The following KCTD1 variants were observed in gnomAD, a reference collection of about 807,000 sequenced individuals.
KCTD1 encodes potassium channel tetramerization domain containing 1, also known as BTB/POZ domain-containing protein KCTD1.
Under a neutral mutation model 66.0 loss-of-function variants are expected in KCTD1, and 24 were observed. The ratio of observed to expected loss-of-function variants is 0.36; its 90% CI spans 0.26 to 0.51. KCTD1 has a LOEUF of 0.51. Ranked by LOEUF, KCTD1 falls within the 20% of genes least tolerant of loss-of-function variation. KCTD1 has a pLI of 0.95. For synonymous variants in KCTD1, 511 were observed against 517.2 expected (o/e 0.99, Z 0.16); for missense variants, 943 against 1,205.2 (o/e 0.78, Z 3.22).
intron 1 of KCTD1, among the ~76,000 whole-genome samples, chr18:26,524,585 T>C (rs923102280): frequency 2.0e-5 from 3 of 152,158 alleles, no homozygotes; most frequent in African/African-American, 7.2e-5. Flanking sequence ...GTTCAATTTT[T>C]CCCTAACCTT....
chr18:26,504,172 C>T (rs190556279), intron 1 of KCTD1, among the ~76,000 whole-genome samples: 53 of 152,104 alleles, frequency 3.5e-4, no homozygotes, highest in African/African-American at 1.2e-3. Flanking sequence ...TGGGATCAAG[C>T]GATCCCCCCA....
At chr18:26,460,638 C>T (rs1009956784) in intron 3 of KCTD1, among the ~76,000 whole-genome samples, 3 of 152,194 alleles carry the variant, frequency 2.0e-5, no homozygotes, top group Non-Finnish European at 2.9e-5. Flanking sequence ...ACATAAACAA[C>T]TTTAGGCCTC....
intron 1 of KCTD1, among the ~76,000 whole-genome samples, chr18:26,507,080 C>T (rs1465352585): frequency 6.6e-6 from 1 of 152,106 alleles, no homozygotes; most frequent in Non-Finnish European, 1.5e-5. Context: ...GCAGGAGAAT[C>T]GCTTGAACCT....
At chr18:26,502,251 G>C (rs1051702853) in intron 1 of KCTD1, among the ~76,000 whole-genome samples, 1 of 152,086 alleles carries the variant, frequency 6.6e-6, no homozygotes, top group Non-Finnish European at 1.5e-5. Flanking sequence ...GGGTTTCACC[G>C]TGTTAGCCAG....
intron 1 of KCTD1, chr18:26,655,766 G>A (rs1017973382): frequency 6.6e-6 from 1 of 152,254 alleles, no homozygotes; most frequent in Non-Finnish European, 1.5e-5. Flanking sequence ...AAAGCACAAA[G>A]GCAGACTGTC....
intron 1 of KCTD1, among the ~76,000 whole-genome samples, chr18:26,589,007 T>C (rs1229992027): frequency 1.3e-5 from 2 of 151,908 alleles, no homozygotes; most frequent in Non-Finnish European, 2.9e-5. Context: ...CTGATCTAAC[T>C]GCAAACAATC....
In KCTD1 at chr18:26,460,931, T is replaced by C. The variant is rs551020153; in HGVS notation, c.2134-1006A>G. On this transcript the variant is annotated intron_variant, in intron 3 of 4. Transcript: ENST00000580059. The stretch of plus-strand genomic sequence containing the variant: ...GCCACAATCATTTCTGGGTGTAAGA[T>C]AAGTGGATACTTGTCTAGACATGTT... 5 of 152,362 alleles carry C rather than the reference T, an allele frequency of 3.3e-5. No individual in the cohort carries two copies. The South Asian group carries it at 1.0e-3, about 32-fold the overall frequency. 9.4% of individuals were successfully genotyped at this position (152,362 alleles called of 1,614,324 possible).
At chr18:26,500,348 A>T (rs985029353) in intron 2 of KCTD1, among the ~76,000 whole-genome samples, 7 of 151,952 alleles carry the variant, frequency 4.6e-5, no homozygotes, top group African/African-American at 1.4e-4. Context: ...TAAGCCCAGA[A>T]GGTCAAGGCT....
At chr18:26,627,171 T>C (rs181956685) in intron 1 of KCTD1, among the ~76,000 whole-genome samples, 19 of 152,234 alleles carry the variant, frequency 1.2e-4, no homozygotes, top group African/African-American at 4.1e-4. Context: ...GTAGCTCCCA[T>C]GTACTGTCTT....
At chr18:26,490,851 CAAG>C (rs1217254721) in intron 2 of KCTD1, among the ~76,000 whole-genome samples, 2 of 151,694 alleles carry the variant, frequency 1.3e-5, no homozygotes, top group Admixed American at 6.6e-5. Context: ...CTCCCGGGCT[CAAG>C]CGATTCTCAT....
Position 26,471,124 on chromosome 18 carries a change from C to T in KCTD1, c.2133+5391G>A, listed in dbSNP as rs567089985. On this transcript the variant is annotated intron_variant, in intron 3 of 4. Transcript: ENST00000580059. The stretch of plus-strand genomic sequence containing the variant: ...GGTCTCCAGGAAAATGCCTTGAAGA[C>T]ACAACAAAGCCGAGTATACAGCCCC... Among the ~76,000 whole-genome samples, 12 of 152,218 alleles carry T rather than the reference C, an allele frequency of 7.9e-5. No individual in the cohort carries two copies. The South Asian group carries it at 8.3e-4, about 11-fold the overall frequency.
chr18:26,505,157 T>A (rs988891409), intron 1 of KCTD1, among the ~76,000 whole-genome samples: 1 of 152,260 alleles, frequency 6.6e-6, no homozygotes, highest in Non-Finnish European at 1.5e-5. Flanking sequence ...CCCTGCGAGG[T>A]CATTTGGCTT....
chr18:26,624,010 G>A (rs894568855), intron 1 of KCTD1, among the ~76,000 whole-genome samples: 3 of 152,234 alleles, frequency 2.0e-5, no homozygotes, highest in African/African-American at 7.2e-5. Flanking sequence ...GTTGGGAACT[G>A]AAACAAAGAT....
intron 1 of KCTD1, among the ~76,000 whole-genome samples, chr18:26,616,644 T>A (rs1987261362): frequency 1.3e-5 from 2 of 151,790 alleles, no homozygotes; most frequent in African/African-American, 4.8e-5. Context: ...TTCAGCCTCT[T>A]GAGTGGCTGG....
chr18:26,482,452 A>C lies in KCTD1; in HGVS notation c.1989-5793T>G, dbSNP rs549866866. On this transcript the variant is annotated intron_variant, in intron 2 of 4. Coordinates refer to ENST00000580059, the MANE Select transcript of KCTD1 (RefSeq NM_001142730.3). ...GGCAATGGAAACCTCTGGGAAGAGT[A>C]GTACACATGAGGTTTCATCTCCACT... 1.4e-3 allele frequency among the ~76,000 whole-genome samples: 219 copies of C among 152,332 alleles called. 1 individual carries two copies. The highest frequency in any genetic ancestry group is 4.8e-3 in the African/African-American group (199 of 41,572).
chr18:26,590,339 T>A (rs1474846545), intron 1 of KCTD1, among the ~76,000 whole-genome samples: 2 of 152,104 alleles, frequency 1.3e-5, no homozygotes, highest in African/African-American at 2.4e-5. Flanking sequence ...TCTGCCTGCC[T>A]TGGCTACCCA....
chr18:26,495,125 T>C (rs1056229687), intron 2 of KCTD1, among the ~76,000 whole-genome samples: 1 of 152,124 alleles, frequency 6.6e-6, no homozygotes. Context: ...TTGGCATTTC[T>C]GTTGAGATCC....
Position 26,455,410 on chromosome 18 carries a change from CTTGT to C in KCTD1, c.*329_*332del, listed in dbSNP as rs571359455. ...GAGACTGTGTCCTCACCACTCATGG[CTTGT>C]TTATTTGTCAGAGGCCTCGGAAGGC... On this transcript the variant is annotated 3_prime_UTR_variant, in exon 5 of 5. Coordinates refer to ENST00000580059, the MANE Select transcript of KCTD1 (RefSeq NM_001142730.3). 6.8e-4 allele frequency: 109 copies of C among 161,246 alleles called. No homozygotes were observed. Among genetic ancestry groups the C allele is most frequent in the Non-Finnish European group, 1.3e-3 (97 of 75,102 alleles). The allele number at this position is 161,246 out of a possible 1,614,324, so 10.0% of individuals were successfully genotyped here.
upstream of KCTD1, among the ~76,000 whole-genome samples, chr18:26,645,274 A>C (rs1476365535): frequency 6.6e-6 from 1 of 152,004 alleles, no homozygotes; most frequent in Admixed American, 6.6e-5. Flanking sequence ...TATTGCCTGG[A>C]GTGAGACCCC....
Sources: gnomAD v4.1 joint callset for allele counts (sites outside exome capture counted in the v4.1 genomes callset) on GRCh38, gnomAD v4.1.1 for gene constraint, MANE v1.5 for transcripts, NCBI Gene and HGNC (gene_info 2026-07-23, HGNC 2026-07-21) for gene names.